Variants in QPRT observed in about 807,000 individuals in gnomAD.
QPRT encodes nicotinate-nucleotide pyrophosphorylase [carboxylating].
In QPRT, 17 loss-of-function variants were observed where a neutral mutation model predicts 19.8. The ratio of observed to expected loss-of-function variants is 0.86; its 90% CI spans 0.59 to 1.29. The LOEUF (loss-of-function observed/expected upper bound fraction) is 1.29, where lower values mean the gene tolerates loss of function less well. QPRT is among the 50% of genes most tolerant of loss of function. The probability of loss-of-function intolerance (pLI) is 0.00; values close to 1 mark genes in which losing one functional copy is unlikely to be tolerated. For synonymous variants in QPRT, 178 were observed against 191.0 expected, an observed-to-expected ratio of 0.93 and a Z score of 0.56; for missense variants, 336 against 405.1, an observed-to-expected ratio of 0.83 and a Z score of 1.46.
intron 1 of QPRT, among the ~76,000 whole-genome samples, chr16:29,687,154 G>T (rs537342349): frequency 6.6e-6 from 1 of 151,916 alleles, no homozygotes; most frequent in African/African-American, 2.4e-5. Context: ...TCACAGACAC[G>T]CCCGGAGGTT....
intron 2 of QPRT, among the ~76,000 whole-genome samples, chr16:29,695,452 C>T (rs1016493312): frequency 6.6e-6 from 1 of 150,548 alleles, no homozygotes; most frequent in African/African-American, 2.4e-5. Flanking sequence ...GCTGGATATA[C>T]AGGCATGCTC....
intron 1 of QPRT, among the ~76,000 whole-genome samples, chr16:29,681,493 CTTTTTTTTTTT>C (rs10680462): frequency 1.0e-5 from 1 of 97,152 alleles, no homozygotes; most frequent in Non-Finnish European, 1.9e-5. Flanking sequence ...GATCCAGATT[CTTTTTTTTTTT>C]TTTTTTTTTT....
At chr16:29,681,811 C>T (rs1019641442) in intron 1 of QPRT, among the ~76,000 whole-genome samples, 2 of 151,752 alleles carry the variant, frequency 1.3e-5, no homozygotes, top group Non-Finnish European at 2.9e-5. Flanking sequence ...CAACCTTCAC[C>T]TCCCAGGTTC....
rs764508465 is a variant in QPRT, at chr16:29,694,815, AG to A, written c.168del (p.Gln57SerfsTer112). 57 of 1,613,954 alleles carry A rather than the reference AG, an allele frequency of 3.5e-5. No homozygotes were observed. The highest frequency in any genetic ancestry group is 4.7e-5 in the Non-Finnish European group (56 of 1,179,964). On this transcript the variant is annotated frameshift_variant, in exon 2 of 4. Transcript: ENST00000395384. LOFTEE classifies it high-confidence loss of function. Reference sequence around the variant, plus strand: ...GGGCCAAATCCCCTGGGGTACTGGCAGGGCAGCCTTTCTTCGATGCCATATT... The same window carrying A: ...GGGCCAAATCCCCTGGGGTACTGGCAGGCAGCCTTTCTTCGATGCCATATT... ...LWAKSPGVLA[G>X]QPFFDAIFTQ... is the part of the protein sequence containing the mutation.
At position 29,682,659 on chromosome 16, in the gene QPRT, C is replaced by T. The variant is rs532391866; in HGVS notation, c.13+3449C>T. Among the ~76,000 whole-genome samples, 20 of 151,804 alleles carry T rather than the reference C, an allele frequency of 1.3e-4. No homozygotes were observed. The South Asian group carries it at 2.7e-3, about 21-fold the overall frequency. ...CCTCCCAAAGTGCTGGGATTACAGG[C>T]GCAAGTCACTGCGCCCAGCCTCATC... On this transcript the variant is annotated intron_variant, in intron 1 of 3. Transcript: ENST00000395384.
chr16:29,687,411 A>G (rs1347786745), intron 1 of QPRT, among the ~76,000 whole-genome samples: 1 of 152,234 alleles, frequency 6.6e-6, no homozygotes, highest in Non-Finnish European at 1.5e-5. Context: ...TGCGTAGCAC[A>G]GTGAATCAGA....
At chr16:29,690,839 G>T (rs577109060) in intron 1 of QPRT, among the ~76,000 whole-genome samples, 1 of 152,134 alleles carries the variant, frequency 6.6e-6, no homozygotes, top group Non-Finnish European at 1.5e-5. Flanking sequence ...ACAGGCACAT[G>T]CCACCACGCC....
chr16:29,686,320 C>T (rs1306008087), intron 1 of QPRT, among the ~76,000 whole-genome samples: 2 of 152,108 alleles, frequency 1.3e-5, no homozygotes, highest in African/African-American at 4.8e-5. Flanking sequence ...TCAGTTTTCT[C>T]AGCCCCAAAT....
chr16:29,697,030 C>T lies in QPRT; in HGVS notation c.584C>T (p.Thr195Ile), dbSNP rs776042742. The change falls in exon 3 of 4, where the codon ACT (threonine) becomes ATT (isoleucine). Residue 195 changes from threonine (T) to isoleucine (I), a missense_variant. Coordinates refer to ENST00000395384, the MANE Select transcript of QPRT (RefSeq NM_014298.6). The surrounding 1 kb of genome is among the most constrained non-coding windows in gnomAD (Gnocchi z 4.4). ...VRAARQAADF[T>I]LKVEVECSSL... ...GCGGCCAGACAGGCGGCTGACTTCA[C>T]TCTGAAGGTGGAAGTGGAATGCAGC... 3.1e-6 allele frequency: 5 copies of T among 1,610,428 alleles called. No homozygotes were observed. In the South Asian group the frequency reaches 4.4e-5, roughly 14 times the overall value.
chr16:29,686,079 C>T (rs994066274), intron 1 of QPRT, among the ~76,000 whole-genome samples: 2 of 152,056 alleles, frequency 1.3e-5, no homozygotes, highest in Admixed American at 6.6e-5. Flanking sequence ...AGGCTGGACT[C>T]GAACTCCTGA....
chr16:29,684,539 G>A (rs531670069), intron 1 of QPRT, among the ~76,000 whole-genome samples: 1 of 152,092 alleles, frequency 6.6e-6, no homozygotes, highest in South Asian at 2.1e-4. Context: ...AGTAGAGACG[G>A]GGTTTCACCG....
At chr16:29,687,664 G>C (rs1967200930) in intron 1 of QPRT, among the ~76,000 whole-genome samples, 1 of 152,080 alleles carries the variant, frequency 6.6e-6, no homozygotes, top group Non-Finnish European at 1.5e-5. Context: ...GGAGAACTCA[G>C]GAGGCAGAGG....
At chr16:29,689,200 T>A (rs972339487) in intron 1 of QPRT, among the ~76,000 whole-genome samples, 2 of 152,022 alleles carry the variant, frequency 1.3e-5, no homozygotes, top group Admixed American at 1.3e-4. Context: ...GTTCAAGAGA[T>A]TCTCCTGCCT....
Position 29,694,754 on chromosome 16 carries a change from T to A in QPRT, c.104T>A (p.Leu35Ter), listed in dbSNP as rs1351096375. Residue 35 changes from leucine to a stop codon, truncating the protein, a stop_gained, in exon 2 of 4, where the codon TTG becomes TAG. Transcript: ENST00000395384. LOFTEE classifies it high-confidence loss of function. ...TGCCCAGGGCTCAACTACGCAGCCT[T>A]GGTCAGCGGGGCAGGCCCCTCGCAG... ...EDCPGLNYAA[L>*]VSGAGPSQAA... is the part of the protein sequence containing the mutation. 4 of 1,612,086 alleles carry A rather than the reference T, an allele frequency of 2.5e-6. No homozygotes were observed.
intron 1 of QPRT, among the ~76,000 whole-genome samples, chr16:29,688,417 GAAGTCCAAGGCCTAACTGGAAA>G (rs1967225828): frequency 6.6e-6 from 1 of 152,128 alleles, no homozygotes; most frequent in African/African-American, 2.4e-5. Flanking sequence ...GGTGAACACG[GAAGTCCAAGGCCTAACTGGAAA>G]AGAGCTGAGG....
At chr16:29,685,102 C>G (rs1263380707) in intron 1 of QPRT, among the ~76,000 whole-genome samples, 1 of 152,210 alleles carries the variant, frequency 6.6e-6, no homozygotes, top group Non-Finnish European at 1.5e-5. Flanking sequence ...AAATAGCCCT[C>G]AAATCTACCC....
chr16:29,681,542 G>C (rs144978156), intron 1 of QPRT, among the ~76,000 whole-genome samples: 1,734 of 133,800 alleles, frequency 0.013, 42 homozygotes, highest in African/African-American at 0.048. Flanking sequence ...TGTTGTCCAG[G>C]CTGGAGTGCA....
chr16:29,688,302 G>A (rs1967220561), intron 1 of QPRT, among the ~76,000 whole-genome samples: 1 of 152,030 alleles, frequency 6.6e-6, no homozygotes. Context: ...GGGGGAGAGT[G>A]GAGAATGAGG....
At chr16:29,690,903 C>A (rs1156866447) in intron 1 of QPRT, among the ~76,000 whole-genome samples, 3 of 152,150 alleles carry the variant, frequency 2.0e-5, no homozygotes, top group South Asian at 2.1e-4. Flanking sequence ...GTTGGAGAGG[C>A]TGGTCTTGAA....
Sources: allele counts gnomAD v4.1 joint callset (sites outside exome capture counted in the v4.1 genomes callset), GRCh38; gene constraint gnomAD v4.1.1; non-coding constraint Gnocchi (gnomAD v3.1); transcripts MANE v1.5; gene names NCBI Gene and HGNC (gene_info 2026-07-23, HGNC 2026-07-21).